Variants in CLDN16 observed in about 807,000 individuals in gnomAD.
The protein encoded by CLDN16 is claudin-16.
CLDN16 carries 13 observed loss-of-function variants against 24.6 expected under a neutral mutation model. The ratio of observed to expected loss-of-function variants is 0.53; its 90% CI spans 0.34 to 0.84. CLDN16 has a LOEUF of 0.84. Ranked by LOEUF, CLDN16 falls within the 40% of genes least tolerant of loss-of-function variation. The pLI, the probability that CLDN16 is intolerant of heterozygous loss-of-function variation, is 0.01. For synonymous variants in CLDN16, 116 were observed against 106.7 expected, an observed-to-expected ratio of 1.09 and a Z score of -0.54; for missense variants, 298 against 292.7, an observed-to-expected ratio of 1.02 and a Z score of -0.13.
At chr3:190,313,184 G>T in the CLDN16 span, 1 of 823,678 alleles carries the variant, frequency 1.2e-6, no homozygotes, top group Non-Finnish European at 1.9e-6. Context: ...TGTTTCCGCT[G>T]GTAACCCAAT....
intron 1 of CLDN16, among the ~76,000 whole-genome samples, chr3:190,326,484 C>T (rs761859731): frequency 3.6e-4 from 55 of 152,164 alleles, no homozygotes; most frequent in Admixed American, 8.5e-4. Context: ...CTCTCCAAGC[C>T]TTGCGATGTT....
At chr3:190,303,535 CA>C in the CLDN16 span, among the ~76,000 whole-genome samples, 1 of 151,574 alleles carries the variant, frequency 6.6e-6, no homozygotes, top group Non-Finnish European at 1.5e-5. Context: ...AAAAGGGGAA[CA>C]AAGCAATAAA....
chr3:190,337,705 G>A (rs1383946568), intron 1 of CLDN16, among the ~76,000 whole-genome samples: 1 of 152,162 alleles, frequency 6.6e-6, no homozygotes, highest in Non-Finnish European at 1.5e-5. Context: ...AATTAATCCT[G>A]AGTAGTAGTG....
chr3:190,323,319 T>C (rs1425041246), intron 1 of CLDN16, among the ~76,000 whole-genome samples: 1 of 152,134 alleles, frequency 6.6e-6, no homozygotes, highest in African/African-American at 2.4e-5. Flanking sequence ...TCGTCGCAGG[T>C]GAGGACATGT....
chr3:190,335,077 T>G (rs1274949802), intron 1 of CLDN16, among the ~76,000 whole-genome samples: 1 of 151,344 alleles, frequency 6.6e-6, no homozygotes, highest in African/African-American at 2.4e-5. Flanking sequence ...GGAGTTTTGC[T>G]CTGTTGCCCT....
intron 1 of CLDN16, among the ~76,000 whole-genome samples, chr3:190,347,000 C>T (rs1717565512): frequency 6.6e-6 from 1 of 152,136 alleles, no homozygotes; most frequent in Admixed American, 6.6e-5. Context: ...TTGGAGAACA[C>T]TATTATTATT....
At chr3:190,308,505 AG>A in the CLDN16 span, 2 of 1,461,786 alleles carry the variant, frequency 1.4e-6, no homozygotes, top group Non-Finnish European at 1.9e-6. Flanking sequence ...ATATAATAAA[AG>A]GAAAAAAAAT....
chr3:190,350,962 T>C (rs541443391), intron 1 of CLDN16, among the ~76,000 whole-genome samples: 1 of 152,276 alleles, frequency 6.6e-6, no homozygotes, highest in East Asian at 1.9e-4. Flanking sequence ...AATTTCATGT[T>C]GAAATATGAC....
chr3:190,398,809 T>G (rs573880095), intron 1 of CLDN16, among the ~76,000 whole-genome samples: 1 of 152,196 alleles, frequency 6.6e-6, no homozygotes, highest in Non-Finnish European at 1.5e-5. Flanking sequence ...GATAAGGAGA[T>G]TGAGGATCAA....
chr3:190,303,114 T>G, the CLDN16 span, among the ~76,000 whole-genome samples: 2 of 152,194 alleles, frequency 1.3e-5, no homozygotes, highest in South Asian at 4.1e-4. Context: ...AAATACATAT[T>G]GTGGTAAAAA....
upstream of CLDN16, among the ~76,000 whole-genome samples, chr3:190,385,398 A>G (rs1418187765): frequency 6.6e-6 from 1 of 152,136 alleles, no homozygotes; most frequent in African/African-American, 2.4e-5. Flanking sequence ...CTCCTATTAC[A>G]TTATGGCCTC....
chr3:190,300,183 G>A, the CLDN16 span, among the ~76,000 whole-genome samples: 1 of 152,226 alleles, frequency 6.6e-6, no homozygotes, highest in East Asian at 1.9e-4. Context: ...GCAGTTTGCT[G>A]ACAGCTTTTC....
At chr3:190,389,128 G>A (rs576563298) in intron 1 of CLDN16, among the ~76,000 whole-genome samples, 12 of 152,190 alleles carry the variant, frequency 7.9e-5, no homozygotes, top group East Asian at 3.9e-4. Context: ...TATTTTTCTC[G>A]CTGGAGAAGC....
the CLDN16 span, among the ~76,000 whole-genome samples, chr3:190,310,967 T>A: frequency 1.8e-4 from 27 of 152,346 alleles, no homozygotes; most frequent in East Asian, 3.5e-3. Flanking sequence ...TTCATTTTTT[T>A]ATCAAAAAAG....
chr3:190,331,536 C>A (rs577434750), intron 1 of CLDN16, among the ~76,000 whole-genome samples: 1 of 152,232 alleles, frequency 6.6e-6, no homozygotes, highest in African/African-American at 2.4e-5. Flanking sequence ...AAATTCAGTT[C>A]CTCTGTTGTA....
At chr3:190,386,120 T>A (rs1277542242), upstream of CLDN16, among the ~76,000 whole-genome samples, 1 of 152,040 alleles carries the variant, frequency 6.6e-6, no homozygotes, top group African/African-American at 2.4e-5. Context: ...GGGCATGTGC[T>A]TTTGGAATTG....
chr3:190,295,365 C>T, the CLDN16 span, among the ~76,000 whole-genome samples: 1 of 152,138 alleles, frequency 6.6e-6, no homozygotes, highest in Admixed American at 6.5e-5. Context: ...AATTTTCTTT[C>T]CTTAACAAAC....
upstream of CLDN16, among the ~76,000 whole-genome samples, chr3:190,386,099 T>C (rs80225166): frequency 0.11 from 16,060 of 152,142 alleles, 997 homozygotes; most frequent in Non-Finnish European, 0.14. Flanking sequence ...GTCCAGGACT[T>C]TTCCTGCAAA....
chr3:190,389,192 TGAGA>T lies in CLDN16; in HGVS notation c.114+753_114+756del, dbSNP rs538903824. 3.0e-4 allele frequency among the ~76,000 whole-genome samples: 45 copies of T among 152,272 alleles called. No homozygotes were observed. The East Asian group carries it at 8.3e-3, about 28-fold the overall frequency. On this transcript the variant is annotated intron_variant, in intron 1 of 4. Transcript: ENST00000264734. ...ACCATTACCTGTGGCCATAGGAATCTGAGAGAGGCAGAACTGAGTAAAAAATCAA... is the reference window on the plus strand; with the variant it reads ...ACCATTACCTGTGGCCATAGGAATCTGAGGCAGAACTGAGTAAAAAATCAA...
Sources: allele counts gnomAD v4.1 joint callset (sites outside exome capture counted in the v4.1 genomes callset), GRCh38; gene constraint gnomAD v4.1.1; transcripts MANE v1.5; gene names NCBI Gene and HGNC (gene_info 2026-07-23, HGNC 2026-07-21).